FKBP5: variants seen among roughly 807,000 people sequenced by gnomAD.
FKBP5 encodes the protein peptidyl-prolyl cis-trans isomerase FKBP5.
In FKBP5, 23 loss-of-function variants were observed where a neutral mutation model predicts 50.5. The observed-to-expected ratio is 0.46, with a 90% CI of 0.33 to 0.65. The LOEUF (loss-of-function observed/expected upper bound fraction) is 0.65. Among genes scored for constraint, FKBP5 ranks in the 30% least tolerant of loss-of-function variants. FKBP5 has a pLI of 0.02. For synonymous variants in FKBP5, 176 were observed against 190.6 expected, an observed-to-expected ratio of 0.92 and a Z score of 0.63; for missense variants, 411 against 553.1, an observed-to-expected ratio of 0.74 and a Z score of 2.58.
At chr6:35,678,662 T>G (rs183332973) in intron 1 of FKBP5, among the ~76,000 whole-genome samples, 88 of 152,336 alleles carry the variant, frequency 5.8e-4, no homozygotes, top group African/African-American at 1.9e-3. Context: ...AGTCAATCTC[T>G]GAGCTAAAAC....
chr6:35,647,515 A>G (rs778845833), intron 1 of FKBP5, among the ~76,000 whole-genome samples: 3 of 152,256 alleles, frequency 2.0e-5, no homozygotes, highest in Non-Finnish European at 4.4e-5. Flanking sequence ...ATGAGGTCAG[A>G]CCGAAGGAGA....
rs1424377017 is a variant in FKBP5 at position 35,587,120 on chromosome 6, G to T, written c.757-3C>A. On this transcript the variant is annotated splice_region_variant and splice_polypyrimidine_tract_variant and intron_variant, in intron 7 of 10. Coordinates refer to ENST00000357266, the MANE Select transcript of FKBP5 (RefSeq NM_004117.4). ...TCCATCTCCCAGGATTCTTTGGCCT[G>T]TGTGTAAATTTGTGACAATGGTTAG... 6.2e-6 allele frequency: 10 copies of T among 1,613,612 alleles called. No homozygotes were observed. The highest frequency in any genetic ancestry group is 8.5e-6 in the Non-Finnish European group (10 of 1,179,690).
At chr6:35,586,492 T>C (rs763216335) in intron 8 of FKBP5, 30 of 988,944 alleles carry the variant, frequency 3.0e-5, no homozygotes, top group Non-Finnish European at 3.6e-5. Flanking sequence ...ATGGGCCCGG[T>C]GCAGTGGCTC....
intron 1 of FKBP5, among the ~76,000 whole-genome samples, chr6:35,683,120 A>ATGTGTGTGTGTGTGTGTG (rs35830022): frequency 1.5e-4 from 12 of 80,650 alleles, no homozygotes; most frequent in East Asian, 4.3e-4. Context: ...ATATACGTAT[A>ATGTGTGTGTGTGTGTGTG]TGTGTGTGTG....
chr6:35,686,178 TG>T (rs927068590), intron 1 of FKBP5, among the ~76,000 whole-genome samples: 3 of 152,136 alleles, frequency 2.0e-5, no homozygotes, highest in East Asian at 3.8e-4. Flanking sequence ...CAATGTTTAT[TG>T]TGTGGATTTG....
intron 2 of FKBP5, among the ~76,000 whole-genome samples, chr6:35,708,374 C>T (rs932744933): frequency 1.3e-5 from 2 of 152,128 alleles, no homozygotes; most frequent in African/African-American, 4.8e-5. Context: ...CCTGCCTCAG[C>T]CTCCTGAGTA....
chr6:35,576,002 C>A, intron 10 of FKBP5, 60 bp from the exon 11 acceptor site: 3 of 1,154,512 alleles, frequency 2.6e-6, no homozygotes, highest in South Asian at 2.4e-5. Flanking sequence ...TAATTCCTGG[C>A]TCCTCCAGAC....
intron 5 of FKBP5, among the ~76,000 whole-genome samples, chr6:35,602,322 T>C (rs895109109): frequency 1.3e-5 from 2 of 152,154 alleles, no homozygotes; most frequent in Non-Finnish European, 2.9e-5. Context: ...ACATTAGCTC[T>C]GGTAAGTGTC....
chr6:35,644,106 T>C (rs1764566593), intron 1 of FKBP5, among the ~76,000 whole-genome samples: 2 of 152,228 alleles, frequency 1.3e-5, no homozygotes, highest in Admixed American at 6.5e-5. Context: ...ATTTTTAAGG[T>C]ATACTATTCA....
At chr6:35,707,761 G>A (rs1291842790) in intron 2 of FKBP5, among the ~76,000 whole-genome samples, 1 of 151,996 alleles carries the variant, frequency 6.6e-6, no homozygotes, top group Non-Finnish European at 1.5e-5. Context: ...TTGTGTCCAT[G>A]TGTTCTCATC....
intron 10 of FKBP5, 51 bp downstream of exon 10, chr6:35,576,943 G>A: frequency 6.3e-7 from 1 of 1,593,378 alleles, no homozygotes; most frequent in Non-Finnish European, 8.6e-7. Context: ...AAAATCAAAG[G>A]GGCATGGTCA....
chr6:35,718,470 C>A (rs1185976590), intron 2 of FKBP5, among the ~76,000 whole-genome samples: 1 of 152,150 alleles, frequency 6.6e-6, no homozygotes, highest in African/African-American at 2.4e-5. Flanking sequence ...CTTTCTTATC[C>A]CCATCTAGGG....
intron 1 of FKBP5, among the ~76,000 whole-genome samples, chr6:35,676,139 G>A (rs2151007440): frequency 6.6e-6 from 1 of 152,280 alleles, no homozygotes; most frequent in East Asian, 1.9e-4. Flanking sequence ...AATAGAAAAA[G>A]AAAAGGCAAG....
In FKBP5 at chr6:35,637,166, A is replaced by G. The variant is rs1227119007; in HGVS notation, c.106-8T>C. 4 of 1,602,644 alleles carry G rather than the reference A, an allele frequency of 2.5e-6. No individual in the cohort carries two copies. The highest frequency in any genetic ancestry group is 3.4e-6 in the Non-Finnish European group (4 of 1,177,658). The stretch of plus-strand genomic sequence containing the variant: ...CCCCACTCTTTTGACAATCTAGAAA[A>G]GACAAACATTAAGAAAAAGGAGGTC... On this transcript the variant is annotated splice_region_variant and splice_polypyrimidine_tract_variant and intron_variant, in intron 2 of 10. Coordinates refer to ENST00000357266, the MANE Select transcript of FKBP5 (RefSeq NM_004117.4).
At chr6:35,585,961 T>C in intron 8 of FKBP5, 1 of 984,784 alleles carries the variant, frequency 1.0e-6, no homozygotes, top group Non-Finnish European at 1.2e-6. Flanking sequence ...AGGTTGTAAC[T>C]TAATAATAGC....
rs61139697 is a variant in FKBP5, at chr6:35,606,659, C to CAAA, written c.509-9258_509-9256dup. Among the ~76,000 whole-genome samples the CAAA allele has an allele frequency of 7.2e-4, 18 of 25,134 alleles. 3 individuals are homozygous for CAAA. The highest frequency in any genetic ancestry group is 1.5e-3 in the African/African-American group (10 of 6,476). The allele number at this position is 25,134 out of a possible 152,430, so 16.5% of individuals were successfully genotyped here. On this transcript the variant is annotated intron_variant, in intron 5 of 10. Transcript: ENST00000357266. Reference sequence around the variant, plus strand: ...TGGGCAACAGAATGAGACTCCGTCTCAAAAAAAAAAAAAAAAAAAAAAAAA... The same window carrying CAAA: ...TGGGCAACAGAATGAGACTCCGTCTCAAAAAAAAAAAAAAAAAAAAAAAAAAAA...
At chr6:35,583,524 G>A in intron 8 of FKBP5, 1 of 985,408 alleles carries the variant, frequency 1.0e-6, no homozygotes, top group South Asian at 4.7e-5. Flanking sequence ...CGAAAAGTCT[G>A]TCTTGTACTC....
At chr6:35,727,243 C>T (rs1203308301) in intron 1 of FKBP5, among the ~76,000 whole-genome samples, 2 of 152,128 alleles carry the variant, frequency 1.3e-5, no homozygotes, top group African/African-American at 4.8e-5. Flanking sequence ...GGTAAACGTG[C>T]GATATAAATG....
intron 1 of FKBP5, among the ~76,000 whole-genome samples, chr6:35,662,276 CTTTT>C (rs35904480): frequency 1.9e-4 from 26 of 138,852 alleles, no homozygotes; most frequent in Non-Finnish European, 2.2e-4. Flanking sequence ...ATTTACGTGT[CTTTT>C]TTTTTTTTTT....
Sources: allele counts gnomAD v4.1 joint callset (sites outside exome capture counted in the v4.1 genomes callset), GRCh38; gene constraint gnomAD v4.1.1; transcripts MANE v1.5; gene names NCBI Gene and HGNC (gene_info 2026-07-23, HGNC 2026-07-21).